The following SLC7A8 variants were observed in gnomAD, a reference collection of about 807,000 sequenced individuals.
The protein encoded by SLC7A8 is solute carrier family 7 member 8.
In SLC7A8, 30 loss-of-function variants were observed where a neutral mutation model predicts 51.2. That is an observed-to-expected ratio of 0.59 (90% CI 0.44 to 0.80). The LOEUF (loss-of-function observed/expected upper bound fraction) is 0.80. SLC7A8 is among the 30% of genes least tolerant of loss of function. The pLI, the probability that SLC7A8 is intolerant of heterozygous loss-of-function variation, is 0.00. For missense variants in SLC7A8, 612 were observed against 674.4 expected, an observed-to-expected ratio of 0.91 and a Z score of 1.03; for synonymous variants, 257 against 275.8, an observed-to-expected ratio of 0.93 and a Z score of 0.67.
At chr14:23,179,766 C>T (rs931658583) in intron 1 of SLC7A8, among the ~76,000 whole-genome samples, 4 of 151,884 alleles carry the variant, frequency 2.6e-5, no homozygotes, top group African/African-American at 7.3e-5. Flanking sequence ...GCAGTGAGCA[C>T]GCCACAGCAC....
At chr14:23,134,813 G>A (rs1037006275) in intron 7 of SLC7A8, among the ~76,000 whole-genome samples, 1 of 152,188 alleles carries the variant, frequency 6.6e-6, no homozygotes, top group Non-Finnish European at 1.5e-5. Flanking sequence ...GAAATAATAA[G>A]GAGAGATCCT....
chr14:23,146,645 C>G (rs916395740), intron 3 of SLC7A8: 1 of 152,236 alleles, frequency 6.6e-6, no homozygotes, highest in South Asian at 2.1e-4. Flanking sequence ...CTTTCAGAAA[C>G]AAGAAGAAAT....
rs528662318 is a variant in SLC7A8, at chr14:23,139,597, C to A, written c.789-50G>T. Reference sequence around the variant, plus strand: ...GAAGGGCTGGCACCCGGGACACCCGCCTTGCCATGGAGTCCAGGGGGTGTC... The same window carrying A: ...GAAGGGCTGGCACCCGGGACACCCGACTTGCCATGGAGTCCAGGGGGTGTC... On this transcript the variant is annotated intron_variant, in intron 5 of 10. Coordinates refer to ENST00000316902, the MANE Select transcript of SLC7A8 (RefSeq NM_012244.4). 2.8e-5 allele frequency: 44 copies of A among 1,585,022 alleles called. 1 individual carries two copies. The South Asian group carries it at 5.0e-4, about 18-fold the overall frequency.
At chr14:23,159,456 G>A (rs930304940) in intron 3 of SLC7A8, among the ~76,000 whole-genome samples, 11 of 152,222 alleles carry the variant, frequency 7.2e-5, no homozygotes, top group African/African-American at 1.2e-4. Flanking sequence ...TCATATAAAC[G>A]AGGCTGATCG....
At chr14:23,135,127 G>A (rs1157446161) in intron 7 of SLC7A8, among the ~76,000 whole-genome samples, 1 of 151,694 alleles carries the variant, frequency 6.6e-6, no homozygotes, top group Non-Finnish European at 1.5e-5. Context: ...TTGCTCTGTT[G>A]CCCAGGCTGG....
intron 6 of SLC7A8, among the ~76,000 whole-genome samples, chr14:23,139,093 T>G (rs1388749998): frequency 6.6e-6 from 1 of 152,144 alleles, no homozygotes; most frequent in East Asian, 1.9e-4. Flanking sequence ...ACTCTCACAT[T>G]TAGAGCTTTA....
Position 23,127,242 on chromosome 14 carries a change from G to T in SLC7A8, c.1543C>A (p.Gln515Lys). ...EEANEDMEEQ[Q>K]QPMYQPTPTK... ...GGAGTGGGTTGGTACATGGGCTGCT[G>T]CTGCTCCTCCATGTCCTCATTAGCC... Residue 515 changes from glutamine (Q) to lysine (K), a missense_variant, in exon 11 of 11, where the codon CAG (glutamine) becomes AAG (lysine). Gln to Lys is a moderately conservative substitution (Grantham distance 53). Transcript: ENST00000316902. 1 of 1,614,108 alleles carries T rather than the reference G, an allele frequency of 6.2e-7. No homozygotes were observed. Among genetic ancestry groups the T allele is most frequent in the Non-Finnish European group, 8.5e-7 (1 of 1,179,978 alleles).
rs982104527 is a variant in SLC7A8 at position 23,126,886 on chromosome 14, G to A, written c.*291C>T. 16 of 450,696 alleles carry A rather than the reference G, an allele frequency of 3.6e-5. No homozygotes were observed. The highest frequency in any genetic ancestry group is 6.1e-4 in the Middle Eastern group (1 of 1,644). The allele number at this position is 450,696 out of a possible 1,614,324, so 27.9% of individuals were successfully genotyped here. On this transcript the variant is annotated 3_prime_UTR_variant, in exon 11 of 11. Transcript: ENST00000316902. ...GAAGAGGCAGCTGAGGGTGTGGCCC[G>A]GAGGGAGGTCCTGCAGGGCACCTTG... is the stretch of plus-strand genomic sequence containing the variant.
chr14:23,127,235 G>GGCT lies in SLC7A8; in HGVS notation c.1547_1549dup (p.Gln516dup), dbSNP rs1297208980. ...CTTCGTGGGAGTGGGTTGGTACATG[G>GGCT]GCTGCTGCTGCTCCTCCATGTCCTC... On this transcript the variant is annotated inframe_insertion, in exon 11 of 11. Transcript: ENST00000316902. 3.7e-5 allele frequency: 59 copies of GGCT among 1,613,950 alleles called. No homozygotes were observed. Among genetic ancestry groups the GGCT allele is most frequent in the Non-Finnish European group, 4.8e-5 (57 of 1,179,970 alleles).
At chr14:23,131,580 A>C in intron 7 of SLC7A8, 23 bp from the exon 8 acceptor site, 1 of 1,569,996 alleles carries the variant, frequency 6.4e-7, no homozygotes, top group Non-Finnish European at 8.6e-7. Flanking sequence ...AAAGCAGGTC[A>C]GCCTGGGATA....
intron 1 of SLC7A8, among the ~76,000 whole-genome samples, chr14:23,180,058 A>G (rs1877097648): frequency 6.6e-6 from 1 of 150,690 alleles, no homozygotes; most frequent in South Asian, 2.2e-4. Flanking sequence ...GGCATGCGCC[A>G]CGACGCCCGG....
intron 3 of SLC7A8, among the ~76,000 whole-genome samples, chr14:23,162,948 A>C (rs2048931577): frequency 6.6e-6 from 1 of 152,144 alleles, no homozygotes; most frequent in African/African-American, 2.4e-5. Flanking sequence ...CAGCATCAGC[A>C]GGAAAAAGGA....
At chr14:23,146,616 C>T (rs2048796212) in intron 3 of SLC7A8, 1 of 152,194 alleles carries the variant, frequency 6.6e-6, no homozygotes. Context: ...AATATTTAAC[C>T]TTTCACCTTC....
At position 23,139,455 on chromosome 14, in the gene SLC7A8, T is replaced by TG. The variant is rs767924274; in HGVS notation, c.880dup (p.Gln294ProfsTer38). On this transcript the variant is annotated frameshift_variant, in exon 6 of 11. Transcript: ENST00000316902. LOFTEE classifies it high-confidence loss of function. ...GACGGCGTTGGATGCCAGCAGCTCC[T>TG]GGGGGGACATTGCAGTGACATAAGC... The TG allele has an allele frequency of 2.7e-5, 44 of 1,613,968 alleles. No homozygotes were observed. The highest frequency in any genetic ancestry group is 1.7e-6 in the Non-Finnish European group (2 of 1,179,968).
intron 4 of SLC7A8, among the ~76,000 whole-genome samples, chr14:23,141,164 A>G (rs2048741658): frequency 6.6e-6 from 1 of 152,178 alleles, no homozygotes; most frequent in South Asian, 2.1e-4. Flanking sequence ...GCATGCCTAT[A>G]GGCTCACCTA....
In SLC7A8 at chr14:23,161,841, C is replaced by T. The variant is rs190629914; in HGVS notation, c.508+3444G>A. ...ACCTGGAAGGCTGAGGCAGGAGAAT[C>T]GCTTGAACCCGGGAGGCGGAGGTTG... On this transcript the variant is annotated intron_variant, in intron 3 of 10. Transcript: ENST00000316902. 6.3e-4 allele frequency among the ~76,000 whole-genome samples: 94 copies of T among 150,014 alleles called. 1 individual carries two copies. In the East Asian group the frequency reaches 0.011, roughly 18 times the overall value.
At chr14:23,168,429 G>A (rs1224253746) in intron 1 of SLC7A8, among the ~76,000 whole-genome samples, 1 of 152,200 alleles carries the variant, frequency 6.6e-6, no homozygotes, top group Admixed American at 6.5e-5. Flanking sequence ...TCTAGAGACA[G>A]GTTTGCTAAT....
rs1028614018 is a variant in SLC7A8 at position 23,139,544 on chromosome 14, G to T, written c.792C>A (p.Asn264Lys). The part of the protein sequence containing the change: ...VTEELVDPYK[N>K]LPRAIFISIP... ...TGGAGATGAAGATGGCTCTGGGAAG[G>T]TTCCTGTAGAGGGAGAGGAGGTGAG... The change falls in exon 6 of 11, where the codon AAC becomes AAA. Residue 264 changes from asparagine to lysine, a missense_variant. Physicochemically the swap from Asn to Lys is moderately conservative, Grantham distance 94. Transcript: ENST00000316902. The T allele has an allele frequency of 1.2e-6, 2 of 1,613,202 alleles. No homozygotes were observed. The highest frequency in any genetic ancestry group is 1.7e-6 in the Non-Finnish European group (2 of 1,179,382).
chr14:23,147,370 G>A (rs1194550762), intron 3 of SLC7A8, among the ~76,000 whole-genome samples: 1 of 152,210 alleles, frequency 6.6e-6, no homozygotes. Context: ...CAGGGACGAC[G>A]GGTGAAGTAA....
Sources: allele counts gnomAD v4.1 joint callset (sites outside exome capture counted in the v4.1 genomes callset), GRCh38; gene constraint gnomAD v4.1.1; transcripts MANE v1.5; gene names NCBI Gene and HGNC (gene_info 2026-07-23, HGNC 2026-07-21).